The following TXNRD1 variants were observed in gnomAD, a reference collection of about 807,000 sequenced individuals.
The protein encoded by TXNRD1 is thioredoxin reductase 1.
TXNRD1 carries 57 observed loss-of-function variants against 80.3 expected under a neutral mutation model. That is an observed-to-expected ratio of 0.71 (90% CI 0.57 to 0.89). TXNRD1 has a LOEUF of 0.89. TXNRD1 is among the 40% of genes least tolerant of loss of function. TXNRD1 has a pLI of 0.00. For synonymous variants in TXNRD1, 291 were observed against 285.2 expected (o/e 1.02, Z -0.20); for missense variants, 730 against 803.0 (o/e 0.91, Z 1.10).
At chr12:104,345,459 A>T (rs753796083) in intron 16 of TXNRD1, among the ~76,000 whole-genome samples, 16 of 152,210 alleles carry the variant, frequency 1.1e-4, no homozygotes, top group Non-Finnish European at 2.4e-4. Flanking sequence ...TTCCAAAGGG[A>T]ATTACTAGAA....
At chr12:104,252,089 G>T (rs962307551) in intron 2 of TXNRD1, among the ~76,000 whole-genome samples, 6 of 148,552 alleles carry the variant, frequency 4.0e-5, no homozygotes, top group African/African-American at 1.5e-4. Context: ...AAAAGGAAAA[G>T]TATATGTAGG....
chr12:104,316,072 T>TA (rs1473751115), intron 7 of TXNRD1, among the ~76,000 whole-genome samples, 176 bp downstream of exon 7: 2 of 152,236 alleles, frequency 1.3e-5, no homozygotes, highest in African/African-American at 4.8e-5. Context: ...ACATAGTTGT[T>TA]ATGGTAACAA....
At chr12:104,238,616 A>G (rs1401171784) in intron 1 of TXNRD1, among the ~76,000 whole-genome samples, 1 of 152,164 alleles carries the variant, frequency 6.6e-6, no homozygotes, top group Non-Finnish European at 1.5e-5. Context: ...GACTCTGTCA[A>G]ATGTTTGTAT....
intron 3 of TXNRD1, among the ~76,000 whole-genome samples, chr12:104,283,717 A>C (rs1247670229): frequency 6.6e-6 from 1 of 152,002 alleles, no homozygotes; most frequent in Admixed American, 6.6e-5. Flanking sequence ...CTAAAAATAC[A>C]AAATTAGCCA....
intron 3 of TXNRD1, among the ~76,000 whole-genome samples, chr12:104,288,238 C>T (rs1021913423): frequency 2.0e-5 from 3 of 152,198 alleles, no homozygotes; most frequent in Non-Finnish European, 4.4e-5. Context: ...ATCCACCCGC[C>T]TCGGCCTCCC....
At chr12:104,322,261 T>C (rs756730646) in intron 10 of TXNRD1, among the ~76,000 whole-genome samples, 1 of 152,094 alleles carries the variant, frequency 6.6e-6, no homozygotes, top group Admixed American at 6.5e-5. Flanking sequence ...GAAAAGTACC[T>C]GGTAGAGAGT....
chr12:104,302,733 C>T (rs1035427335), intron 4 of TXNRD1, among the ~76,000 whole-genome samples: 4 of 151,496 alleles, frequency 2.6e-5, no homozygotes, highest in East Asian at 1.9e-4. Flanking sequence ...TCGTGATCCG[C>T]CCGCCTCGGC....
intron 10 of TXNRD1, among the ~76,000 whole-genome samples, chr12:104,323,548 C>T: frequency 1.4e-5 from 2 of 138,600 alleles, no homozygotes; most frequent in Non-Finnish European, 3.2e-5. Context: ...CCCCACCTCC[C>T]TCCCGGACGG....
chr12:104,249,848 T>A (rs2135702622), intron 1 of TXNRD1, among the ~76,000 whole-genome samples: 1 of 143,378 alleles, frequency 7.0e-6, no homozygotes, highest in East Asian at 2.1e-4. Flanking sequence ...GGCAAGAGAA[T>A]GGCGTGAACC....
chr12:104,303,844 G>A (rs889070029), intron 4 of TXNRD1: 2 of 1,440,468 alleles, frequency 1.4e-6, no homozygotes, highest in Non-Finnish European at 1.8e-6. Flanking sequence ...AAGCTTCCCG[G>A]AAGGGAGACG....
In TXNRD1 at chr12:104,292,393, G is replaced by A. The variant is rs868162053; in HGVS notation, c.414+3353G>A. 8.0e-4 allele frequency among the ~76,000 whole-genome samples: 91 copies of A among 113,292 alleles called. 1 individual carries two copies. Among genetic ancestry groups the A allele is most frequent in the Admixed American group, 1.6e-3 (17 of 10,802 alleles). The allele number at this position is 113,292 out of a possible 152,430, so 74.3% of individuals were successfully genotyped here. A position where few individuals can be genotyped will look rare whatever the true frequency, so the allele number is the denominator to read the frequency against. On this transcript the variant is annotated intron_variant, in intron 4 of 16. Transcript: ENST00000525566. The stretch of plus-strand genomic sequence containing the variant: ...GCTAGGAATCTACCCCCGCCCCCCC[G>A]CCTTTTTTTTTTGAGATGGAGTTCT...
chr12:104,239,671 A>C (rs994688505), intron 1 of TXNRD1, among the ~76,000 whole-genome samples: 9 of 151,958 alleles, frequency 5.9e-5, no homozygotes, highest in African/African-American at 2.2e-4. Flanking sequence ...TAGTAGAGTC[A>C]GGGGTTTCAC....
intron 7 of TXNRD1, among the ~76,000 whole-genome samples, chr12:104,318,559 G>A (rs1416992069): frequency 1.3e-5 from 2 of 152,082 alleles, no homozygotes; most frequent in Admixed American, 6.6e-5. Context: ...CTCCATACTC[G>A]GCTACATCAG....
intron 7 of TXNRD1, among the ~76,000 whole-genome samples, chr12:104,316,482 C>T (rs34618939): frequency 1.5e-3 from 236 of 152,272 alleles, no homozygotes; most frequent in Middle Eastern, 3.4e-3. Context: ...CTCCGCCTCC[C>T]GGGTTCACAC....
At chr12:104,226,227 AAGGAGCTTATTC>A (rs2032470046) in intron 1 of TXNRD1, among the ~76,000 whole-genome samples, 2 of 152,104 alleles carry the variant, frequency 1.3e-5, no homozygotes, top group African/African-American at 4.8e-5. Context: ...GAAAAAGAAA[AAGGAGCTTATTC>A]ATAACAGTTT....
At chr12:104,268,163 C>T (rs1477728422) in intron 3 of TXNRD1, among the ~76,000 whole-genome samples, 1 of 145,096 alleles carries the variant, frequency 6.9e-6, no homozygotes, top group African/African-American at 2.5e-5. Context: ...GCCCCTTCCT[C>T]TTTCTCTCTG....
intron 5 of TXNRD1, among the ~76,000 whole-genome samples, chr12:104,312,275 A>T (rs758984431): frequency 2.0e-5 from 3 of 152,176 alleles, no homozygotes; most frequent in Non-Finnish European, 2.9e-5. Context: ...GATTGGGAAG[A>T]GGATGTATAA....
chr12:104,332,175 G>A (rs1318187817), intron 14 of TXNRD1, among the ~76,000 whole-genome samples: 2 of 152,012 alleles, frequency 1.3e-5, no homozygotes, highest in Non-Finnish European at 2.9e-5. Context: ...TAACTTTTCT[G>A]CTCACATTTT....
chr12:104,273,096 C>T (rs1277708501), intron 3 of TXNRD1, among the ~76,000 whole-genome samples: 2 of 152,218 alleles, frequency 1.3e-5, no homozygotes, highest in African/African-American at 4.8e-5. Flanking sequence ...GGCACTGCTC[C>T]AGTTTCCTGA....
Sources: allele counts gnomAD v4.1 joint callset (sites outside exome capture counted in the v4.1 genomes callset), GRCh38; gene constraint gnomAD v4.1.1; transcripts MANE v1.5; gene names NCBI Gene and HGNC (gene_info 2026-07-23, HGNC 2026-07-21).